TMEM200A: variants seen among roughly 807,000 people sequenced by gnomAD.
TMEM200A encodes transmembrane protein 200A.
A neutral mutation model predicts 24.3 loss-of-function variants in TMEM200A; 12 were observed. The ratio of observed to expected loss-of-function variants is 0.49; its 90% CI spans 0.32 to 0.80. The LOEUF (loss-of-function observed/expected upper bound fraction) is 0.80, where lower values mean the gene tolerates loss of function less well. Ranked by LOEUF, TMEM200A falls within the 30% of genes least tolerant of loss-of-function variation. TMEM200A has a pLI of 0.04. For missense variants in TMEM200A, 545 were observed against 614.4 expected, an observed-to-expected ratio of 0.89 and a Z score of 1.19; for synonymous variants, 224 against 224.4, an observed-to-expected ratio of 1.00 and a Z score of 0.02.
At chr6:130,417,285 G>A (rs991311265) in intron 2 of TMEM200A, among the ~76,000 whole-genome samples, 2 of 152,140 alleles carry the variant, frequency 1.3e-5, no homozygotes, top group Non-Finnish European at 2.9e-5. Flanking sequence ...AGACTGATTT[G>A]AATGTCACTC....
At chr6:130,393,207 G>A (rs529925757) in intron 2 of TMEM200A, among the ~76,000 whole-genome samples, 6 of 152,252 alleles carry the variant, frequency 3.9e-5, no homozygotes, top group Admixed American at 2.6e-4. Flanking sequence ...TAAGTTAATC[G>A]GCAGTAGGTA....
In TMEM200A at chr6:130,431,695, C is replaced by T. The variant is rs144750306; in HGVS notation, c.-16-8712C>T. Among the ~76,000 whole-genome samples the T allele has an allele frequency of 8.0e-4, 121 of 152,184 alleles. 1 individual carries two copies. The highest frequency in any genetic ancestry group is 6.4e-3 in the East Asian group (33 of 5,168). On this transcript the variant is annotated intron_variant, in intron 2 of 2. Transcript: ENST00000296978. ...GCCTCCTGGAGACTTCTGTATTCTA[C>T]GGGCTTCTGGCTTTTAGTCTTTGGA...
chr6:130,384,091 G>A (rs577972785), intron 1 of TMEM200A, among the ~76,000 whole-genome samples: 30 of 152,282 alleles, frequency 2.0e-4, no homozygotes, highest in African/African-American at 7.0e-4. Flanking sequence ...CTGCACTCCA[G>A]CCTGAGTGAC....
At chr6:130,430,157 C>A (rs1779841933) in intron 2 of TMEM200A, among the ~76,000 whole-genome samples, 1 of 152,120 alleles carries the variant, frequency 6.6e-6, no homozygotes. Context: ...AAGATACCAG[C>A]AGATTCAGTA....
At chr6:130,429,075 G>C (rs1285544783) in intron 2 of TMEM200A, among the ~76,000 whole-genome samples, 1 of 152,108 alleles carries the variant, frequency 6.6e-6, no homozygotes, top group African/African-American at 2.4e-5. Context: ...TAGATAAAAT[G>C]CTACAGCAGT....
At chr6:130,388,137 T>C (rs1481044488) in intron 2 of TMEM200A, among the ~76,000 whole-genome samples, 1 of 152,040 alleles carries the variant, frequency 6.6e-6, no homozygotes, top group Non-Finnish European at 1.5e-5. Context: ...CCTGCATCGG[T>C]TTTAGAAATT....
rs1780150923 is a variant in TMEM200A, at chr6:130,440,975, T to TAC, written c.556_557dup (p.Gly187LeufsTer3). ...GGAGCAAAGGCAAATGAACGGCATG[T>TAC]ACACTGGTTTGATGGGAGAAACAGA... On this transcript the variant is annotated frameshift_variant, in exon 3 of 3. Transcript: ENST00000296978. LOFTEE classifies it high-confidence loss of function. 1 of 1,614,100 alleles carries TAC rather than the reference T, an allele frequency of 6.2e-7. No homozygotes were observed. Among genetic ancestry groups the TAC allele is most frequent in the East Asian group, 2.2e-5 (1 of 44,812 alleles).
chr6:130,380,282 A>C (rs926033489), intron 1 of TMEM200A, among the ~76,000 whole-genome samples: 1 of 152,234 alleles, frequency 6.6e-6, no homozygotes, highest in Admixed American at 6.5e-5. Flanking sequence ...GACTAATATA[A>C]TCTTACTGTC....
intron 2 of TMEM200A, chr6:130,438,547 A>C (rs1014919060): frequency 1.3e-5 from 2 of 152,154 alleles, no homozygotes; most frequent in Admixed American, 6.5e-5. Flanking sequence ...AACTCAGAAA[A>C]TGTTGCTTTT....
chr6:130,383,867 C>T (rs1485102092), intron 1 of TMEM200A, among the ~76,000 whole-genome samples: 4 of 152,060 alleles, frequency 2.6e-5, no homozygotes, highest in African/African-American at 7.2e-5. Context: ...CCTGTAATCC[C>T]AGCACTTTGG....
In TMEM200A at chr6:130,438,905, G is replaced by T. The variant is rs145441481; in HGVS notation, c.-16-1502G>T. 3.8e-3 allele frequency: 583 copies of T among 152,374 alleles called. 6 individuals are homozygous for T. The highest frequency in any genetic ancestry group is 3.9e-3 in the Non-Finnish European group (262 of 68,034). The allele number at this position is 152,374 out of a possible 1,614,324, so 9.4% of individuals were successfully genotyped here. A position where few individuals can be genotyped will look rare whatever the true frequency, so the allele number is the denominator to read the frequency against. On this transcript the variant is annotated intron_variant, in intron 2 of 2. Transcript: ENST00000296978. ...ATAAAGAAAGTGGAATATGAGCTTT[G>T]ATGCCTAGCCAGATGTGGGTATGTG...
chr6:130,403,594 GTTT>G (rs1779137348), intron 2 of TMEM200A, among the ~76,000 whole-genome samples: 1 of 151,580 alleles, frequency 6.6e-6, no homozygotes, highest in African/African-American at 2.4e-5. Flanking sequence ...ATCATCTATA[GTTT>G]TTGAGTAAAT....
At chr6:130,426,406 A>ATCTT (rs1270310914) in intron 2 of TMEM200A, among the ~76,000 whole-genome samples, 1 of 148,898 alleles carries the variant, frequency 6.7e-6, no homozygotes, top group Non-Finnish European at 1.5e-5. Flanking sequence ...TCGCTTCATC[A>ATCTT]TCTTTATGAG....
At chr6:130,395,380 G>C (rs145497889) in intron 2 of TMEM200A, among the ~76,000 whole-genome samples, 2 of 152,150 alleles carry the variant, frequency 1.3e-5, no homozygotes, top group Non-Finnish European at 2.9e-5. Context: ...AGCTCCAATC[G>C]CCTGCCCTGG....
At chr6:130,431,729 G>C (rs1202311659) in intron 2 of TMEM200A, among the ~76,000 whole-genome samples, 1 of 152,080 alleles carries the variant, frequency 6.6e-6, no homozygotes, top group Non-Finnish European at 1.5e-5. Context: ...GAGAGCACTT[G>C]TTCTATGTCA....
At chr6:130,400,603 G>A (rs148047236) in intron 2 of TMEM200A, among the ~76,000 whole-genome samples, 286 of 151,640 alleles carry the variant, frequency 1.9e-3, no homozygotes, top group Middle Eastern at 6.8e-3. Flanking sequence ...CAATGGACAT[G>A]TTTATTTCTG....
At chr6:130,397,722 C>T (rs1778983827) in intron 2 of TMEM200A, among the ~76,000 whole-genome samples, 1 of 151,228 alleles carries the variant, frequency 6.6e-6, no homozygotes, top group African/African-American at 2.4e-5. Context: ...TTATTTCCAC[C>T]ATCCTATTTT....
chr6:130,440,026 ATG>A (rs60406822), intron 2 of TMEM200A, among the ~76,000 whole-genome samples: 8 of 148,906 alleles, frequency 5.4e-5, no homozygotes, highest in African/African-American at 7.5e-5. Flanking sequence ...GTGTGTGTGT[ATG>A]TGTGTGTGTG....
intron 2 of TMEM200A, among the ~76,000 whole-genome samples, chr6:130,434,608 A>G (rs1053869935): frequency 6.6e-6 from 1 of 152,214 alleles, no homozygotes; most frequent in African/African-American, 2.4e-5. Context: ...GCTTGTAAAA[A>G]GGGTAAAGGA....
Sources: gnomAD v4.1 joint callset for allele counts (sites outside exome capture counted in the v4.1 genomes callset) on GRCh38, gnomAD v4.1.1 for gene constraint, MANE v1.5 for transcripts, NCBI Gene and HGNC (gene_info 2026-07-23, HGNC 2026-07-21) for gene names.